The following SLC1A3 variants were observed in gnomAD, a reference collection of about 807,000 sequenced individuals.
The protein encoded by SLC1A3 is excitatory amino acid transporter 1.
A neutral mutation model predicts 48.1 loss-of-function variants in SLC1A3; 21 were observed. That is an observed-to-expected ratio of 0.44 (90% CI 0.31 to 0.63). The LOEUF (loss-of-function observed/expected upper bound fraction) is 0.63, where lower values mean the gene tolerates loss of function less well. SLC1A3 is among the 20% of genes least tolerant of loss of function. The probability of loss-of-function intolerance (pLI) is 0.08; values close to 1 mark genes in which losing one functional copy is unlikely to be tolerated. For synonymous variants in SLC1A3, 239 were observed against 251.4 expected, an observed-to-expected ratio of 0.95 and a Z score of 0.47; for missense variants, 546 against 689.0, an observed-to-expected ratio of 0.79 and a Z score of 2.32.
intron 2 of SLC1A3, among the ~76,000 whole-genome samples, chr5:36,621,124 T>G (rs776778631): frequency 2.0e-5 from 3 of 152,176 alleles, no homozygotes; most frequent in Non-Finnish European, 2.9e-5. Flanking sequence ...CTGGCAGGTC[T>G]CCAACTCCTG....
At chr5:36,651,079 C>T (rs1466264473) in intron 3 of SLC1A3, among the ~76,000 whole-genome samples, 3 of 131,862 alleles carry the variant, frequency 2.3e-5, no homozygotes, top group Non-Finnish European at 4.6e-5. Context: ...AGAACATTAA[C>T]ATGATGGGGA....
rs1024411066 is a variant in SLC1A3 at position 36,606,616 on chromosome 5, C to A, written c.-215C>A. 1 of 152,328 alleles carries A rather than the reference C, an allele frequency of 6.6e-6. No homozygotes were observed. The highest frequency in any genetic ancestry group is 2.4e-5 in the African/African-American group (1 of 41,462). The allele number at this position is 152,328 out of a possible 1,614,324, so 9.4% of individuals were successfully genotyped here. The stretch of plus-strand genomic sequence containing the variant: ...GTAACTTGCAGTTTCAGAGCACATG[C>A]ACACTGTCAGGGCTAGCCTGCCTGC... On this transcript the variant is annotated 5_prime_UTR_variant, in exon 1 of 10. Coordinates refer to ENST00000265113, the MANE Select transcript of SLC1A3 (RefSeq NM_004172.5).
intron 3 of SLC1A3, among the ~76,000 whole-genome samples, chr5:36,633,743 A>G (rs1238679051): frequency 2.6e-5 from 4 of 152,202 alleles, no homozygotes; most frequent in Non-Finnish European, 5.9e-5. Flanking sequence ...CAGCATCTCC[A>G]TCCTAAAGTC....
At chr5:36,641,025 C>T (rs768862001) in intron 3 of SLC1A3, among the ~76,000 whole-genome samples, 2 of 151,788 alleles carry the variant, frequency 1.3e-5, no homozygotes, top group African/African-American at 2.4e-5. Context: ...ACACCAAGAG[C>T]TGATCACTTG....
At chr5:36,630,384 C>T (rs908849789) in intron 3 of SLC1A3, 1 of 152,228 alleles carries the variant, frequency 6.6e-6, no homozygotes, top group African/African-American at 2.4e-5. Flanking sequence ...ACTGTACATT[C>T]CTTCCTGCCC....
chr5:36,613,707 G>T (rs551537247), intron 2 of SLC1A3, among the ~76,000 whole-genome samples: 1 of 152,194 alleles, frequency 6.6e-6, no homozygotes, highest in African/African-American at 2.4e-5. Context: ...GAAGCTGGGG[G>T]TAGGGGGATC....
intron 2 of SLC1A3, among the ~76,000 whole-genome samples, chr5:36,620,291 C>T (rs1739610345): frequency 6.6e-6 from 1 of 152,212 alleles, no homozygotes; most frequent in African/African-American, 2.4e-5. Flanking sequence ...CAGCATCACA[C>T]TTGCTCTCCC....
At chr5:36,656,832 A>G (rs933475042) in intron 3 of SLC1A3, among the ~76,000 whole-genome samples, 1 of 152,204 alleles carries the variant, frequency 6.6e-6, no homozygotes, top group African/African-American at 2.4e-5. Context: ...AATGTAAACC[A>G]TCGTGTATTA....
chr5:36,622,839 G>A (rs1048014348), intron 2 of SLC1A3, among the ~76,000 whole-genome samples: 1 of 132,520 alleles, frequency 7.5e-6, no homozygotes, highest in East Asian at 2.2e-4. Flanking sequence ...GTGAAACCCC[G>A]TCACTAAAAA....
At chr5:36,612,778 C>T (rs531729190) in intron 2 of SLC1A3, 49 of 456,112 alleles carry the variant, frequency 1.1e-4, no homozygotes, top group African/African-American at 8.2e-4. Context: ...CCTTACCACA[C>T]AGCTGATGAA....
Position 36,638,496 on chromosome 5 carries a change from G to A in SLC1A3, c.319+8909G>A, listed in dbSNP as rs144711444. Among the ~76,000 whole-genome samples, 8 of 152,206 alleles carry A rather than the reference G, an allele frequency of 5.3e-5. No homozygotes were observed. The East Asian group carries it at 1.5e-3, about 29-fold the overall frequency. ...AGCTTTCAATCTTTCCGTAAAGTTA[G>A]CCCTATTGATCCCTCCCTGGAGTAC... On this transcript the variant is annotated intron_variant, in intron 3 of 9. Transcript: ENST00000265113.
intron 2 of SLC1A3, among the ~76,000 whole-genome samples, chr5:36,610,712 T>C (rs1270487801): frequency 1.3e-5 from 2 of 152,178 alleles, no homozygotes; most frequent in Non-Finnish European, 2.9e-5. Context: ...ATCCCTAGTC[T>C]ATTTTTCTCT....
At chr5:36,652,572 A>G (rs1267577937) in intron 3 of SLC1A3, among the ~76,000 whole-genome samples, 1 of 152,198 alleles carries the variant, frequency 6.6e-6, no homozygotes, top group African/African-American at 2.4e-5. Flanking sequence ...TTACAGACAC[A>G]AAGAGCTAGA....
chr5:36,658,606 G>T (rs1433587203), intron 3 of SLC1A3, among the ~76,000 whole-genome samples: 2 of 152,058 alleles, frequency 1.3e-5, no homozygotes, highest in South Asian at 2.1e-4. Flanking sequence ...TTTCTAAGCA[G>T]TTTTTTTTGT....
In SLC1A3 at chr5:36,629,547, G is replaced by A. The variant is rs375527461; in HGVS notation, c.279G>A (p.Gln93=). The A allele has an allele frequency of 1.1e-4, 181 of 1,612,642 alleles. 1 individual carries two copies. Among genetic ancestry groups the A allele is most frequent in the Middle Eastern group, 3.3e-4 (2 of 6,058 alleles). The change falls in exon 3 of 10, where the codon CAG becomes CAA. Residue 93 remains glutamine, a synonymous_variant. Coordinates refer to ENST00000265113, the MANE Select transcript of SLC1A3 (RefSeq NM_004172.5). ...GGGAACTTCTGATGAGGATGTTACAGATGCTGGTCTTACCACTTATCATCT... is the reference window on the plus strand; with the variant it reads ...GGGAACTTCTGATGAGGATGTTACAAATGCTGGTCTTACCACTTATCATCT... ...FPGELLMRML[Q]MLVLPLIISS... is the part of the protein sequence containing the mutation.
At chr5:36,664,552 C>A (rs963337589) in intron 3 of SLC1A3, among the ~76,000 whole-genome samples, 18 of 152,060 alleles carry the variant, frequency 1.2e-4, no homozygotes, top group African/African-American at 2.9e-4. Context: ...TGCAACCTGG[C>A]ACTCACACAC....
intron 3 of SLC1A3, chr5:36,636,508 T>TTCTCTTC (rs1561255369): frequency 3.3e-4 from 46 of 139,218 alleles, no homozygotes; most frequent in African/African-American, 1.2e-3. Flanking sequence ...TCTTTCTTTT[T>TTCTCTTC]CTTTCTTTCT....
chr5:36,679,884 G>T, intron 7 of SLC1A3, 24 bp downstream of exon 7: 1 of 1,546,122 alleles, frequency 6.5e-7, no homozygotes, highest in South Asian at 1.1e-5. Flanking sequence ...TGTGGAAAAT[G>T]AGTCTGAAAT....
At chr5:36,649,829 T>C (rs1740989347) in intron 3 of SLC1A3, among the ~76,000 whole-genome samples, 1 of 152,250 alleles carries the variant, frequency 6.6e-6, no homozygotes, top group Non-Finnish European at 1.5e-5. Context: ...TTAATTTGTA[T>C]GGCTTTTAAA....
Sources: gnomAD v4.1 joint callset for allele counts (sites outside exome capture counted in the v4.1 genomes callset) on GRCh38, gnomAD v4.1.1 for gene constraint, MANE v1.5 for transcripts, NCBI Gene and HGNC (gene_info 2026-07-23, HGNC 2026-07-21) for gene names.